IQCJ: variants seen among roughly 807,000 people sequenced by gnomAD.
IQCJ encodes IQ domain-containing protein J.
In IQCJ, 9 loss-of-function variants were observed where a neutral mutation model predicts 11.0. The observed-to-expected ratio is 0.82, with a 90% CI of 0.49 to 1.43. The LOEUF is 1.43. Ranked by LOEUF, IQCJ falls within the 40% of genes most tolerant of loss-of-function variation. The pLI, the probability that IQCJ is intolerant of heterozygous loss-of-function variation, is 0.00. For synonymous variants in IQCJ, 55 were observed against 51.3 expected (o/e 1.07, Z -0.31); for missense variants, 146 against 133.2 (o/e 1.10, Z -0.47).
intron 1 of IQCJ, among the ~76,000 whole-genome samples, chr3:159,136,338 G>T: frequency 6.6e-6 from 1 of 152,154 alleles, no homozygotes; most frequent in Non-Finnish European, 1.5e-5. Flanking sequence ...CCTTTGGGAA[G>T]AATTCAACTT....
chr3:159,123,136 T>C (rs1358630277), intron 1 of IQCJ, among the ~76,000 whole-genome samples: 1 of 152,148 alleles, frequency 6.6e-6, no homozygotes, highest in Admixed American at 6.5e-5. Flanking sequence ...GTAATTGAAA[T>C]AAAATAAGCA....
chr3:159,185,593 G>C (rs938598267), intron 1 of IQCJ, among the ~76,000 whole-genome samples: 2 of 152,188 alleles, frequency 1.3e-5, no homozygotes, highest in African/African-American at 4.8e-5. Context: ...GAATGTGCTA[G>C]TCAGTGGTTC....
chr3:159,219,852 T>G (rs1174589113), intron 1 of IQCJ, among the ~76,000 whole-genome samples: 1 of 152,146 alleles, frequency 6.6e-6, no homozygotes, highest in Non-Finnish European at 1.5e-5. Flanking sequence ...TGCAGTGCTC[T>G]CTCAGTGTCA....
intron 1 of IQCJ, among the ~76,000 whole-genome samples, chr3:159,146,726 A>G (rs2108193539): frequency 6.6e-6 from 1 of 152,352 alleles, no homozygotes; most frequent in South Asian, 2.1e-4. Flanking sequence ...ATAATTTAAC[A>G]TATATTTTCA....
chr3:159,116,321 T>G (rs950870450), intron 1 of IQCJ, among the ~76,000 whole-genome samples: 1 of 151,992 alleles, frequency 6.6e-6, no homozygotes, highest in African/African-American at 2.4e-5. Context: ...AAAATAATCT[T>G]TCAAAATTCT....
intron 1 of IQCJ, among the ~76,000 whole-genome samples, chr3:159,160,397 G>A (rs1185632950): frequency 1.3e-5 from 2 of 151,942 alleles, no homozygotes; most frequent in Admixed American, 1.3e-4. Context: ...CTGCCTCTGG[G>A]GTTCAAGCCA....
chr3:159,170,439 G>A (rs1722425901), intron 1 of IQCJ, among the ~76,000 whole-genome samples: 1 of 152,144 alleles, frequency 6.6e-6, no homozygotes, highest in African/African-American at 2.4e-5. Flanking sequence ...TCTAATTGGG[G>A]CAGTTCTAAA....
rs570193440 is a variant in IQCJ at position 159,074,493 on chromosome 3, C to A, written c.9+5052C>A. On this transcript the variant is annotated intron_variant, in intron 1 of 3. Transcript: ENST00000397832. ...TTGAGGAAAGATGACAAGGGTCTAACAGGTGTCTGCAGATGAACCATCTCA... is the reference window on the plus strand; with the variant it reads ...TTGAGGAAAGATGACAAGGGTCTAAAAGGTGTCTGCAGATGAACCATCTCA... Among the ~76,000 whole-genome samples, 12 of 152,102 alleles carry A rather than the reference C, an allele frequency of 7.9e-5. No homozygotes were observed. In the South Asian group the frequency reaches 2.5e-3, roughly 32 times the overall value.
At chr3:159,115,762 T>G (rs1029604441) in intron 1 of IQCJ, among the ~76,000 whole-genome samples, 1 of 151,902 alleles carries the variant, frequency 6.6e-6, no homozygotes, top group African/African-American at 2.4e-5. Flanking sequence ...TCTAAAAAAA[T>G]GTTTTTTTTA....
At chr3:159,093,584 G>A (rs1717502391) in intron 1 of IQCJ, among the ~76,000 whole-genome samples, 1 of 151,754 alleles carries the variant, frequency 6.6e-6, no homozygotes. Flanking sequence ...TTTTCATGAT[G>A]AGGAGGTAGA....
intron 1 of IQCJ, among the ~76,000 whole-genome samples, chr3:159,115,923 A>G (rs1264426546): frequency 1.3e-5 from 2 of 152,078 alleles, no homozygotes; most frequent in Non-Finnish European, 2.9e-5. Flanking sequence ...CCTGTCAGGG[A>G]TGGGAGGGCT....
At chr3:159,251,500 G>A (rs1727596377) in intron 2 of IQCJ, among the ~76,000 whole-genome samples, 2 of 151,500 alleles carry the variant, frequency 1.3e-5, no homozygotes, top group Non-Finnish European at 2.9e-5. Context: ...ATCTATTGAT[G>A]GTTTGTTAAA....
chr3:159,221,676 G>T (rs1725554421), intron 1 of IQCJ, among the ~76,000 whole-genome samples: 1 of 152,056 alleles, frequency 6.6e-6, no homozygotes, highest in Non-Finnish European at 1.5e-5. Context: ...CAAGTTAAAA[G>T]ACAAGGCCCT....
At position 159,081,272 on chromosome 3, in the gene IQCJ, C is replaced by T. The variant is rs1270131168; in HGVS notation, c.9+11831C>T. 2.6e-5 allele frequency among the ~76,000 whole-genome samples: 4 copies of T among 152,216 alleles called. No individual in the cohort carries two copies. The East Asian group carries it at 5.8e-4, about 22-fold the overall frequency. On this transcript the variant is annotated intron_variant, in intron 1 of 3. Coordinates refer to ENST00000397832, the MANE Select transcript of IQCJ (RefSeq NM_001042706.3). Reference sequence around the variant, plus strand: ...TCCGTTTTCTTTTGTAAGAGCAAGACAAACTTCCCAGTAGACTCTCTCTGG... The same window carrying T: ...TCCGTTTTCTTTTGTAAGAGCAAGATAAACTTCCCAGTAGACTCTCTCTGG...
At chr3:159,155,806 T>C (rs887674289) in intron 1 of IQCJ, among the ~76,000 whole-genome samples, 2 of 152,202 alleles carry the variant, frequency 1.3e-5, no homozygotes, top group East Asian at 3.9e-4. Context: ...AAAGGTAATA[T>C]TTTTTGGAAA....
At chr3:159,189,126 G>T (rs1238460843) in intron 1 of IQCJ, among the ~76,000 whole-genome samples, 1 of 152,124 alleles carries the variant, frequency 6.6e-6, no homozygotes, top group African/African-American at 2.4e-5. Context: ...ATAGAGAGTA[G>T]GATGCAGAAG....
At chr3:159,085,365 C>A (rs1716657802) in intron 1 of IQCJ, among the ~76,000 whole-genome samples, 1 of 151,962 alleles carries the variant, frequency 6.6e-6, no homozygotes, top group African/African-American at 2.4e-5. Flanking sequence ...GTGAATAATG[C>A]CACAATAAAC....
intron 1 of IQCJ, among the ~76,000 whole-genome samples, chr3:159,112,909 C>T (rs1718727104): frequency 6.6e-6 from 1 of 152,210 alleles, no homozygotes; most frequent in Non-Finnish European, 1.5e-5. Flanking sequence ...CTACCAGCCT[C>T]TGACATGGTC....
In IQCJ at chr3:159,231,575, A is replaced by G. The variant is rs1412687822; in HGVS notation, c.10-14268A>G. ...TTTTGCATCAATGTTCATCAGGAAT[A>G]TTGGCCTGAAACTTTCTTTTTTTGT... On this transcript the variant is annotated intron_variant, in intron 1 of 3. Coordinates refer to ENST00000397832, the MANE Select transcript of IQCJ (RefSeq NM_001042706.3). 2.6e-5 allele frequency among the ~76,000 whole-genome samples: 4 copies of G among 152,300 alleles called. No homozygotes were observed. In the East Asian group the frequency reaches 7.7e-4, roughly 29 times the overall value.
Sources: allele counts gnomAD v4.1 joint callset (sites outside exome capture counted in the v4.1 genomes callset), GRCh38; gene constraint gnomAD v4.1.1; transcripts MANE v1.5; gene names NCBI Gene and HGNC (gene_info 2026-07-23, HGNC 2026-07-21).